BACE2: variants seen among roughly 807,000 people sequenced by gnomAD.
BACE2 encodes 56 kDa aspartic-like protease.
A neutral mutation model predicts 46.2 loss-of-function variants in BACE2; 17 were observed. That is an observed-to-expected ratio of 0.37 (90% CI 0.25 to 0.55). The LOEUF is 0.55. Among genes scored for constraint, BACE2 ranks in the 20% least tolerant of loss-of-function variants. BACE2 has a pLI of 0.82. For missense variants in BACE2, 595 were observed against 698.1 expected (o/e 0.85, Z 1.66); for synonymous variants, 277 against 295.9 (o/e 0.94, Z 0.66).
chr21:41,205,984 G>A (rs977858206), intron 1 of BACE2, among the ~76,000 whole-genome samples: 4 of 152,182 alleles, frequency 2.6e-5, no homozygotes, highest in African/African-American at 9.7e-5. Context: ...ACACACCTGT[G>A]TTCACAGCAG....
intron 1 of BACE2, among the ~76,000 whole-genome samples, chr21:41,215,929 G>A (rs1285059656): frequency 2.0e-5 from 3 of 152,180 alleles, no homozygotes; most frequent in Non-Finnish European, 4.4e-5. Flanking sequence ...ACATGCACGT[G>A]AGGTTGAACC....
At chr21:41,257,356 C>A (rs1196954862) in intron 8 of BACE2, 30 bp downstream of exon 8, 1 of 1,607,568 alleles carries the variant, frequency 6.2e-7, no homozygotes, top group Non-Finnish European at 8.5e-7. Context: ...AACAGGGATC[C>A]CCGACAAGAG....
At chr21:41,194,609 G>A (rs1339301946) in intron 1 of BACE2, among the ~76,000 whole-genome samples, 1 of 152,276 alleles carries the variant, frequency 6.6e-6, no homozygotes, top group East Asian at 1.9e-4. Flanking sequence ...AACAGAGATA[G>A]CTGACTTCTG....
rs1389740117 is a variant in BACE2, at chr21:41,208,448, G to A, written c.313-17818G>A. 2.0e-5 allele frequency among the ~76,000 whole-genome samples: 3 copies of A among 152,202 alleles called. No individual in the cohort carries two copies. In the East Asian group the frequency reaches 5.8e-4, roughly 29 times the overall value. On this transcript the variant is annotated intron_variant, in intron 1 of 8. Transcript: ENST00000330333. The stretch of plus-strand genomic sequence containing the variant: ...GCTCTGCTCCACTCGCCCAAGCCGG[G>A]CTGGGAAGAGAGGAGAGAGGACTTC...
At chr21:41,264,671 G>A (rs1377510692) in intron 8 of BACE2, among the ~76,000 whole-genome samples, 5 of 151,974 alleles carry the variant, frequency 3.3e-5, no homozygotes, top group African/African-American at 1.2e-4. Flanking sequence ...CAATACTGGG[G>A]GGTGGTAGTA....
At chr21:41,226,960 T>G (rs7278856) in intron 2 of BACE2, among the ~76,000 whole-genome samples, 55,213 of 152,066 alleles carry the variant, frequency 0.36, 14,333 homozygotes, top group African/African-American at 0.74. Flanking sequence ...AAAAAAAGTG[T>G]AGCCTGATGG....
In BACE2 at chr21:41,281,409, T is replaced by C. The variant is rs896436012; in HGVS notation, c.*5785T>C. 3.3e-5 allele frequency: 5 copies of C among 152,206 alleles called. No individual in the cohort carries two copies. Among genetic ancestry groups the C allele is most frequent in the African/African-American group, 1.2e-4 (5 of 41,456 alleles). The allele number at this position is 152,206 out of a possible 1,614,324, so 9.4% of individuals were successfully genotyped here. On this transcript the variant is annotated 3_prime_UTR_variant, in exon 9 of 9. Coordinates refer to ENST00000330333, the MANE Select transcript of BACE2 (RefSeq NM_012105.5). ...TTGACATTGATGTTTTTCCATAGGATTTTCTTCATTTGGGTTGGAATAAAA... is the reference window on the plus strand; with the variant it reads ...TTGACATTGATGTTTTTCCATAGGACTTTCTTCATTTGGGTTGGAATAAAA...
intron 8 of BACE2, among the ~76,000 whole-genome samples, chr21:41,263,874 A>G (rs112235514): frequency 0.011 from 1,665 of 152,254 alleles, 22 homozygotes; most frequent in African/African-American, 0.035. Flanking sequence ...GAATCTGACA[A>G]CTCATGACTT....
intron 7 of BACE2, among the ~76,000 whole-genome samples, chr21:41,253,666 G>A (rs374012027): frequency 1.1e-4 from 17 of 152,204 alleles, no homozygotes; most frequent in South Asian, 4.1e-4. Context: ...GGTCACAGCC[G>A]GGAAGGCTTG....
At chr21:41,244,230 C>T (rs1017979004) in intron 5 of BACE2, among the ~76,000 whole-genome samples, 8 of 152,154 alleles carry the variant, frequency 5.3e-5, no homozygotes, top group African/African-American at 1.9e-4. Flanking sequence ...CCCATCACAT[C>T]CCAACATCAA....
chr21:41,215,799 T>A (rs1986447777), intron 1 of BACE2, among the ~76,000 whole-genome samples: 1 of 152,178 alleles, frequency 6.6e-6, no homozygotes, highest in Non-Finnish European at 1.5e-5. Flanking sequence ...AAGTTATGCT[T>A]TGCTTGGAAG....
chr21:41,272,083 A>G (rs1387492021), intron 8 of BACE2, among the ~76,000 whole-genome samples: 3 of 151,984 alleles, frequency 2.0e-5, no homozygotes, highest in Non-Finnish European at 4.4e-5. Context: ...TTTGCTGGGT[A>G]TAGAGTTCTC....
intron 1 of BACE2, among the ~76,000 whole-genome samples, chr21:41,203,331 G>A (rs1221292717): frequency 6.6e-6 from 1 of 152,088 alleles, no homozygotes; most frequent in Non-Finnish European, 1.5e-5. Context: ...AAAAAGGAGG[G>A]GTGGGAGAGC....
At chr21:41,253,958 AAGATCACCTGGTG>A in intron 7 of BACE2, among the ~76,000 whole-genome samples, 1 of 152,126 alleles carries the variant, frequency 6.6e-6, no homozygotes, top group East Asian at 1.9e-4. Flanking sequence ...GAAGCTGGGA[AAGATCACCTGGTG>A]AGACCCCACA....
chr21:41,211,979 G>A (rs1986316522), intron 1 of BACE2, among the ~76,000 whole-genome samples: 1 of 152,240 alleles, frequency 6.6e-6, no homozygotes, highest in South Asian at 2.1e-4. Flanking sequence ...GCTAGACCAT[G>A]GCTTCTAGCC....
intron 7 of BACE2, among the ~76,000 whole-genome samples, chr21:41,254,755 C>T (rs1015072382): frequency 6.6e-6 from 1 of 152,236 alleles, no homozygotes; most frequent in African/African-American, 2.4e-5. Context: ...CTGCACAGCA[C>T]CTGTGGGAAC....
chr21:41,213,083 C>T (rs1986349122), intron 1 of BACE2, among the ~76,000 whole-genome samples: 1 of 152,198 alleles, frequency 6.6e-6, no homozygotes, highest in Non-Finnish European at 1.5e-5. Context: ...ACATGCTTCC[C>T]CATCTGAAGG....
chr21:41,241,596 T>G, intron 3 of BACE2: 1 of 500,326 alleles, frequency 2.0e-6, no homozygotes, highest in Non-Finnish European at 3.5e-6. Context: ...ATGATCTTAT[T>G]TGTACAACAG....
intron 8 of BACE2, among the ~76,000 whole-genome samples, chr21:41,266,938 C>T (rs2088381255): frequency 7.6e-6 from 1 of 131,736 alleles, no homozygotes; most frequent in Non-Finnish European, 1.6e-5. Context: ...GCCCTTCTCT[C>T]ACAGTGTTTG....
Sources: allele counts gnomAD v4.1 joint callset (sites outside exome capture counted in the v4.1 genomes callset), GRCh38; gene constraint gnomAD v4.1.1; transcripts MANE v1.5; gene names NCBI Gene and HGNC (gene_info 2026-07-23, HGNC 2026-07-21).